The following NFATC1 variants were observed in gnomAD, a reference collection of about 807,000 sequenced individuals.
The protein encoded by NFATC1 is nuclear factor of activated T-cells, cytoplasmic 1.
Under a neutral mutation model 76.0 loss-of-function variants are expected in NFATC1, and 22 were observed. The observed-to-expected ratio is 0.29, with a 90% confidence interval of 0.21 to 0.41. NFATC1 has a LOEUF of 0.41. NFATC1 is among the 10% of genes least tolerant of loss of function. NFATC1 has a pLI of 1.00. For missense variants in NFATC1, 1,357 were observed against 1,337.7 expected (o/e 1.01, Z -0.23); for synonymous variants, 704 against 613.1 (o/e 1.15, Z -2.19).
At chr18:79,513,209 G>A (rs974553838) in intron 9 of NFATC1, among the ~76,000 whole-genome samples, 4 of 152,228 alleles carry the variant, frequency 2.6e-5, no homozygotes, top group Non-Finnish European at 2.9e-5. Flanking sequence ...GGTGGACTCC[G>A]GGTTCAGGGC....
At chr18:79,438,833 A>C (rs2086871996) in intron 3 of NFATC1, among the ~76,000 whole-genome samples, 1 of 152,148 alleles carries the variant, frequency 6.6e-6, no homozygotes, top group Admixed American at 6.5e-5. Context: ...GCTGGTGCCC[A>C]CAGTGGCCTT....
chr18:79,514,508 G>T (rs1246728498), intron 9 of NFATC1, among the ~76,000 whole-genome samples: 1 of 143,804 alleles, frequency 7.0e-6, no homozygotes, highest in African/African-American at 2.7e-5. Context: ...CAAGGCTGCA[G>T]TGAGCTGTGA....
chr18:79,476,646 T>C (rs184636405), intron 8 of NFATC1, among the ~76,000 whole-genome samples: 1 of 152,246 alleles, frequency 6.6e-6, no homozygotes, highest in Admixed American at 6.5e-5. Context: ...CCGATGTTGC[T>C]CGGGGTCGAC....
intron 3 of NFATC1, among the ~76,000 whole-genome samples, chr18:79,447,689 G>A (rs982458654): frequency 3.3e-5 from 5 of 152,222 alleles, no homozygotes; most frequent in African/African-American, 9.6e-5. Flanking sequence ...TGACTCCTGC[G>A]GCCTCCCTCA....
At chr18:79,405,918 T>C (rs1469934934) in intron 1 of NFATC1, among the ~76,000 whole-genome samples, 2 of 152,142 alleles carry the variant, frequency 1.3e-5, no homozygotes, top group Non-Finnish European at 2.9e-5. Flanking sequence ...CTCCTCTTCC[T>C]CACTTCCCCT....
In NFATC1 at chr18:79,524,994, C is replaced by G. The variant is rs545015606; in HGVS notation, c.2783-2534C>G. ...CACCATCACCCATCCTGTCCCCTCA[C>G]GCCTCCCCACATCCCATCATTACTA... On this transcript the variant is annotated intron_variant, in intron 9 of 9. Coordinates refer to ENST00000427363, the MANE Select transcript of NFATC1 (RefSeq NM_001278669.2). The surrounding 1 kb of genome is among the most constrained non-coding windows in gnomAD (Gnocchi z 7.2). 4.1e-4 allele frequency among the ~76,000 whole-genome samples: 62 copies of G among 151,852 alleles called. No individual in the cohort carries two copies. The highest frequency in any genetic ancestry group is 1.5e-3 in the African/African-American group (60 of 41,306).
intron 2 of NFATC1, among the ~76,000 whole-genome samples, chr18:79,425,271 C>CTCTGTTTCTCTCCCTG (rs1555903020): frequency 9.0e-6 from 1 of 111,612 alleles, no homozygotes; most frequent in African/African-American, 3.0e-5. Context: ...GTCTCTGTCT[C>CTCTGTTTCTCTCCCTG]TCTCTCTGTC....
intron 8 of NFATC1, among the ~76,000 whole-genome samples, chr18:79,484,855 G>GA (rs886995675): frequency 5.9e-5 from 9 of 152,276 alleles, no homozygotes; most frequent in Non-Finnish European, 1.2e-4. Context: ...TGCGGGGGGG[G>GA]AAGAGGGCGG....
chr18:79,457,900 T>TC (rs2087823874), intron 6 of NFATC1, among the ~76,000 whole-genome samples: 1 of 152,130 alleles, frequency 6.6e-6, no homozygotes, highest in Admixed American at 6.5e-5. Context: ...GGTCCTCAGG[T>TC]CCCCTCGTTG....
intron 2 of NFATC1, among the ~76,000 whole-genome samples, chr18:79,414,528 C>T (rs1278780566): frequency 1.3e-5 from 2 of 152,108 alleles, no homozygotes; most frequent in South Asian, 2.1e-4. Context: ...GGTCAAAGAA[C>T]GATACTGAAT....
chr18:79,477,112 CGAGG>C (rs764113339), intron 8 of NFATC1, among the ~76,000 whole-genome samples: 13 of 152,170 alleles, frequency 8.5e-5, no homozygotes, highest in Non-Finnish European at 1.6e-4. Flanking sequence ...CTCTCAGCCT[CGAGG>C]GATGGGTGAT....
intron 1 of NFATC1, among the ~76,000 whole-genome samples, chr18:79,406,231 T>C (rs969293306): frequency 6.6e-6 from 1 of 152,238 alleles, no homozygotes; most frequent in Admixed American, 6.5e-5. Flanking sequence ...AGCTGTGGGA[T>C]CAGCTGTCTT....
chr18:79,501,139 G>A (rs2090004476), intron 9 of NFATC1, among the ~76,000 whole-genome samples: 1 of 152,128 alleles, frequency 6.6e-6, no homozygotes, highest in Non-Finnish European at 1.5e-5. Context: ...ATGACCAAGT[G>A]GGATTTATCC....
chr18:79,402,336 A>G (rs2085295802), intron 1 of NFATC1: 3 of 985,296 alleles, frequency 3.0e-6, no homozygotes, highest in African/African-American at 3.5e-5. Flanking sequence ...CCTGGTGAAC[A>G]TGGGGTCTCT....
intron 1 of NFATC1, among the ~76,000 whole-genome samples, chr18:79,401,846 A>G (rs2085270420): frequency 1.3e-5 from 2 of 152,288 alleles, no homozygotes; most frequent in South Asian, 4.1e-4. Context: ...TGGGCCTGCG[A>G]CAGGCCCAGT....
At chr18:79,470,125 T>C (rs2088716648) in intron 8 of NFATC1, 4 of 422,082 alleles carry the variant, frequency 9.5e-6, no homozygotes, top group African/African-American at 8.6e-5. Flanking sequence ...CTCCGTGCTG[T>C]GCATCTGTGT....
intron 9 of NFATC1, among the ~76,000 whole-genome samples, chr18:79,501,548 T>C (rs2090014730): frequency 6.6e-6 from 1 of 152,050 alleles, no homozygotes; most frequent in Non-Finnish European, 1.5e-5. Context: ...AAAATTGTCT[T>C]TATTGGAAGA....
At chr18:79,464,975 G>C (rs1280605926) in intron 7 of NFATC1, among the ~76,000 whole-genome samples, 1 of 152,000 alleles carries the variant, frequency 6.6e-6, no homozygotes, top group East Asian at 1.9e-4. Context: ...AAAGTGCTGG[G>C]ATGACAGGTG....
In NFATC1 at chr18:79,467,569, C is replaced by T. The variant is rs768317318; in HGVS notation, c.2079C>T (p.Tyr693=). Residue 693 remains tyrosine, a synonymous_variant, in exon 8 of 10, where the codon TAC becomes TAT. Coordinates refer to ENST00000427363, the MANE Select transcript of NFATC1 (RefSeq NM_001278669.2). ...GAAGCCAGTACCAGCGTTTCACCTA[C>T]CTTCCCGCCAACGGTAACGCCATCT... ...RKRSQYQRFT[Y]LPANVPIIKT... The T allele has an allele frequency of 1.9e-6, 3 of 1,613,888 alleles. No homozygotes were observed. Among genetic ancestry groups the T allele is most frequent in the Admixed American group, 3.3e-5 (2 of 60,010 alleles).
Sources: allele counts gnomAD v4.1 joint callset (sites outside exome capture counted in the v4.1 genomes callset), GRCh38; gene constraint gnomAD v4.1.1; non-coding constraint Gnocchi (gnomAD v3.1); transcripts MANE v1.5; gene names NCBI Gene and HGNC (gene_info 2026-07-23, HGNC 2026-07-21).